AP3B1: variants seen among roughly 807,000 people sequenced by gnomAD.
AP3B1 encodes AP-3 complex subunit beta-1.
AP3B1 carries 61 observed loss-of-function variants against 132.5 expected under a neutral mutation model. The observed-to-expected ratio is 0.46, with a 90% CI of 0.37 to 0.57. AP3B1 has a LOEUF of 0.57. Among genes scored for constraint, AP3B1 ranks in the 20% least tolerant of loss-of-function variants. The pLI, the probability that AP3B1 is intolerant of heterozygous loss-of-function variation, is 0.00. For synonymous variants in AP3B1, 388 were observed against 438.3 expected, an observed-to-expected ratio of 0.89 and a Z score of 1.43; for missense variants, 1,120 against 1,289.4, an observed-to-expected ratio of 0.87 and a Z score of 2.01.
intron 11 of AP3B1, among the ~76,000 whole-genome samples, chr5:78,172,534 T>C (rs996393908): frequency 1.3e-5 from 2 of 152,240 alleles, no homozygotes; most frequent in African/African-American, 2.4e-5. Flanking sequence ...GAGGTATTTA[T>C]AGTATTCTCT....
At chr5:78,169,746 T>C (rs1743827582) in intron 11 of AP3B1, among the ~76,000 whole-genome samples, 1 of 150,772 alleles carries the variant, frequency 6.6e-6, no homozygotes, top group Admixed American at 6.6e-5. Context: ...TATTTATTTA[T>C]TTATTTATTT....
intron 14 of AP3B1, among the ~76,000 whole-genome samples, chr5:78,144,037 TG>T (rs1391384825): frequency 2.6e-5 from 4 of 152,036 alleles, no homozygotes; most frequent in Non-Finnish European, 4.4e-5. Context: ...AGTCACTTTT[TG>T]TTCCCCATGG....
intron 24 of AP3B1, among the ~76,000 whole-genome samples, chr5:78,024,807 C>T (rs1313023480): frequency 1.3e-5 from 2 of 151,382 alleles, no homozygotes; most frequent in African/African-American, 4.9e-5. Context: ...AAGTTATCTA[C>T]CCGCCTTGGC....
intron 14 of AP3B1, among the ~76,000 whole-genome samples, chr5:78,148,681 G>C (rs1398808717): frequency 6.6e-6 from 1 of 152,102 alleles, no homozygotes; most frequent in Admixed American, 6.6e-5. Flanking sequence ...CTAGTCTATT[G>C]CTATACATTT....
At chr5:78,116,388 T>A (rs1751829332) in intron 17 of AP3B1, among the ~76,000 whole-genome samples, 154 bp from the exon 18 acceptor site, 1 of 152,202 alleles carries the variant, frequency 6.6e-6, no homozygotes, top group East Asian at 1.9e-4. Context: ...TTAAGGCTGA[T>A]TCACTTTACT....
At chr5:78,119,662 C>G (rs1561420262) in intron 17 of AP3B1, among the ~76,000 whole-genome samples, 1 of 152,184 alleles carries the variant, frequency 6.6e-6, no homozygotes, top group Non-Finnish European at 1.5e-5. Context: ...AAGAAACGAA[C>G]AAAGCCTCCA....
chr5:78,259,009 G>C (rs560998837), intron 2 of AP3B1, among the ~76,000 whole-genome samples: 1 of 152,098 alleles, frequency 6.6e-6, no homozygotes, highest in Admixed American at 6.5e-5. Context: ...AGGCCAAGGC[G>C]GACGGATCAT....
chr5:78,109,791 T>C (rs1299700559), intron 20 of AP3B1, among the ~76,000 whole-genome samples: 1 of 152,160 alleles, frequency 6.6e-6, no homozygotes, highest in Admixed American at 6.5e-5. Flanking sequence ...GCTACGCAAA[T>C]TCTTACTAAC....
chr5:78,038,123 A>G (rs1322216418), intron 23 of AP3B1, among the ~76,000 whole-genome samples: 1 of 152,070 alleles, frequency 6.6e-6, no homozygotes, highest in Non-Finnish European at 1.5e-5. Flanking sequence ...TCAGCAACCC[A>G]CTCATTGGTT....
At chr5:78,175,763 A>G (rs1744121904) in intron 10 of AP3B1, 21 bp downstream of exon 10, 2 of 1,610,588 alleles carry the variant, frequency 1.2e-6, no homozygotes, top group Non-Finnish European at 1.7e-6. Context: ...CTCTTAAATT[A>G]CGTGTTCAGA....
chr5:78,096,863 G>A (rs1340667114), intron 21 of AP3B1, among the ~76,000 whole-genome samples: 2 of 149,234 alleles, frequency 1.3e-5, no homozygotes, highest in Admixed American at 6.6e-5. Flanking sequence ...CGCCAGGCCA[G>A]CCGCCCCGTC....
chr5:78,205,183 TA>T (rs1745454406), intron 7 of AP3B1, among the ~76,000 whole-genome samples: 1 of 152,084 alleles, frequency 6.6e-6, no homozygotes, highest in South Asian at 2.1e-4. Flanking sequence ...ATACAATTTT[TA>T]AAATTATAAG....
intron 3 of AP3B1, among the ~76,000 whole-genome samples, chr5:78,231,398 A>T (rs9293734): frequency 0.36 from 55,013 of 151,672 alleles, 10,197 homozygotes; most frequent in Middle Eastern, 0.44. Context: ...GGTCTTGAAC[A>T]CCTGACCTCA....
chr5:78,202,431 C>T (rs1250659558), intron 7 of AP3B1, among the ~76,000 whole-genome samples: 2 of 151,996 alleles, frequency 1.3e-5, no homozygotes, highest in African/African-American at 2.4e-5. Flanking sequence ...TCATGGGGAA[C>T]TGAAGTGCAG....
At chr5:78,193,097 G>T (rs2112436737) in intron 7 of AP3B1, among the ~76,000 whole-genome samples, 1 of 152,210 alleles carries the variant, frequency 6.6e-6, no homozygotes, top group East Asian at 1.9e-4. Flanking sequence ...TTTTTATATT[G>T]TGTTTAAATA....
intron 22 of AP3B1, among the ~76,000 whole-genome samples, chr5:78,055,016 GACACACACACACACACACACACACAC>G (rs3050076): frequency 6.9e-6 from 1 of 144,644 alleles, no homozygotes; most frequent in Admixed American, 6.8e-5. Context: ...CAGACCTACA[GACACACACACACACACACACACACAC>G]ACACACACAC....
At chr5:78,034,171 G>A (rs1025134520) in intron 24 of AP3B1, among the ~76,000 whole-genome samples, 190 bp downstream of exon 24, 5 of 151,844 alleles carry the variant, frequency 3.3e-5, no homozygotes, top group Non-Finnish European at 7.4e-5. Flanking sequence ...GGTGTGTAAC[G>A]AATGCTAAAA....
rs1260012608 is a variant in AP3B1, at chr5:78,216,042, G to C, written c.786+13C>G. The C allele has an allele frequency of 1.2e-6, 2 of 1,613,622 alleles. No homozygotes were observed. Among genetic ancestry groups the C allele is most frequent in the Admixed American group, 1.7e-5 (1 of 60,000 alleles). On this transcript the variant is annotated intron_variant, in intron 7 of 26. Transcript: ENST00000255194. ...TTAGTATACTTGAAAGTGGAAGACT[G>C]TTCAACACTTACCTCTTTCCAAGGG...
intron 8 of AP3B1, among the ~76,000 whole-genome samples, chr5:78,178,457 C>T (rs1744240417): frequency 1.3e-5 from 2 of 152,104 alleles, no homozygotes; most frequent in Non-Finnish European, 2.9e-5. Flanking sequence ...CCCATCTCTA[C>T]TAAAAATACA....
Sources: allele counts gnomAD v4.1 joint callset (sites outside exome capture counted in the v4.1 genomes callset), GRCh38; gene constraint gnomAD v4.1.1; transcripts MANE v1.5; gene names NCBI Gene and HGNC (gene_info 2026-07-23, HGNC 2026-07-21).